EDIL3: variants seen among roughly 807,000 people sequenced by gnomAD.
The protein encoded by EDIL3 is EGF like and discoidin domains 3.
EDIL3 carries 37 observed loss-of-function variants against 67.4 expected under a neutral mutation model. That is an observed-to-expected ratio of 0.55 (90% CI 0.42 to 0.72). The LOEUF is 0.72. Among genes scored for constraint, EDIL3 ranks in the 30% least tolerant of loss-of-function variants. The pLI, the probability that EDIL3 is intolerant of heterozygous loss-of-function variation, is 0.00. For missense variants in EDIL3, 527 were observed against 586.3 expected (o/e 0.90, Z 1.04); for synonymous variants, 195 against 196.3 (o/e 0.99, Z 0.05).
At chr5:84,364,517 T>C (rs1437186989) in intron 1 of EDIL3, among the ~76,000 whole-genome samples, 1 of 152,158 alleles carries the variant, frequency 6.6e-6, no homozygotes, top group African/African-American at 2.4e-5. Flanking sequence ...CTTGATGTTA[T>C]ACCCATTAAA....
At chr5:84,008,724 G>A (rs1745468052) in intron 9 of EDIL3, among the ~76,000 whole-genome samples, 1 of 152,050 alleles carries the variant, frequency 6.6e-6, no homozygotes, top group South Asian at 2.1e-4. Flanking sequence ...GGAGGTGGGA[G>A]GAAGGTTAAA....
At position 84,101,403 on chromosome 5, in the gene EDIL3, G is replaced by A. The variant is rs911110818; in HGVS notation, c.651+5246C>T. On this transcript the variant is annotated intron_variant, in intron 6 of 10. Transcript: ENST00000296591. ...ACCCAAAGAAGATTAAAAAATTCAAGAGGTTGTTACTGAAAAAACTAATAA... is the reference window on the plus strand; with the variant it reads ...ACCCAAAGAAGATTAAAAAATTCAAAAGGTTGTTACTGAAAAAACTAATAA... Among the ~76,000 whole-genome samples, 11 of 152,012 alleles carry A rather than the reference G, an allele frequency of 7.2e-5. No individual in the cohort carries two copies. The South Asian group carries it at 1.0e-3, about 14-fold the overall frequency.
intron 9 of EDIL3, among the ~76,000 whole-genome samples, chr5:84,058,566 T>C (rs1186155677): frequency 6.6e-6 from 1 of 152,136 alleles, no homozygotes; most frequent in Non-Finnish European, 1.5e-5. Flanking sequence ...AAATTACCAA[T>C]ACTTGCTAAA....
chr5:84,326,611 A>G (rs1746762195), intron 1 of EDIL3, among the ~76,000 whole-genome samples: 1 of 151,700 alleles, frequency 6.6e-6, no homozygotes. Context: ...TCTTTATTCC[A>G]TTGTTGATCA....
At chr5:84,372,348 G>T (rs528078120) in intron 1 of EDIL3, among the ~76,000 whole-genome samples, 13 of 152,028 alleles carry the variant, frequency 8.6e-5, no homozygotes, top group Non-Finnish European at 1.6e-4. Flanking sequence ...TGTGTACAAG[G>T]TACACAATTA....
intron 5 of EDIL3, among the ~76,000 whole-genome samples, chr5:84,111,157 T>C (rs1421828645): frequency 6.6e-6 from 1 of 152,140 alleles, no homozygotes; most frequent in Admixed American, 6.5e-5. Context: ...TCCCCCATGA[T>C]TGTAAGTTTC....
chr5:84,028,688 G>A (rs556739082), intron 9 of EDIL3, among the ~76,000 whole-genome samples: 3 of 152,092 alleles, frequency 2.0e-5, no homozygotes, highest in Non-Finnish European at 2.9e-5. Flanking sequence ...ATATATGTAT[G>A]TATATGTGTG....
intron 5 of EDIL3, among the ~76,000 whole-genome samples, chr5:84,128,987 G>A (rs1747915437): frequency 6.6e-6 from 1 of 152,104 alleles, no homozygotes; most frequent in South Asian, 2.1e-4. Flanking sequence ...CCATTTGTTG[G>A]AAGTATTTAA....
chr5:84,354,767 C>T (rs1043125639), intron 1 of EDIL3, among the ~76,000 whole-genome samples: 1 of 152,010 alleles, frequency 6.6e-6, no homozygotes, highest in Non-Finnish European at 1.5e-5. Context: ...GATCTATGTA[C>T]TATAAAATTC....
chr5:83,987,417 C>A (rs558282263), intron 9 of EDIL3, among the ~76,000 whole-genome samples: 1 of 152,164 alleles, frequency 6.6e-6, no homozygotes, highest in East Asian at 1.9e-4. Flanking sequence ...GCCAGACTAC[C>A]AAATAGTGTT....
chr5:83,943,170 G>T lies in EDIL3; in HGVS notation c.*249C>A, dbSNP rs1298973263. 2.3e-6 allele frequency: 1 copy of T among 430,252 alleles called. No homozygotes were observed. The highest frequency in any genetic ancestry group is 2.8e-5 in the South Asian group (1 of 36,292). 26.7% of individuals were successfully genotyped at this position (430,252 alleles called of 1,614,324 possible). A position where few individuals can be genotyped will look rare whatever the true frequency, so the allele number is the denominator to read the frequency against. ...ATGCGAATAATTCAGGAAACAATGA[G>T]AGAAAAGTAATTCACACTTAATGTG... On this transcript the variant is annotated 3_prime_UTR_variant, in exon 11 of 11. Coordinates refer to ENST00000296591, the MANE Select transcript of EDIL3 (RefSeq NM_005711.5).
intron 3 of EDIL3, among the ~76,000 whole-genome samples, chr5:84,198,776 G>A (rs547790458): frequency 5.7e-4 from 87 of 152,120 alleles, no homozygotes; most frequent in African/African-American, 2.0e-3. Context: ...GTAAGCAGCA[G>A]ACATTTGGAT....
At chr5:83,958,335 C>T (rs915741533) in intron 10 of EDIL3, among the ~76,000 whole-genome samples, 3 of 151,598 alleles carry the variant, frequency 2.0e-5, no homozygotes, top group East Asian at 3.9e-4. Flanking sequence ...TCATGAGTGC[C>T]ATAATCAGAC....
At chr5:84,082,214 G>A (rs962431424) in intron 6 of EDIL3, among the ~76,000 whole-genome samples, 1 of 152,180 alleles carries the variant, frequency 6.6e-6, no homozygotes, top group African/African-American at 2.4e-5. Flanking sequence ...CTTTCCATGT[G>A]TGGAAATATT....
intron 3 of EDIL3, among the ~76,000 whole-genome samples, chr5:84,229,360 A>C (rs928962634): frequency 6.6e-6 from 1 of 152,194 alleles, no homozygotes; most frequent in Non-Finnish European, 1.5e-5. Flanking sequence ...TAAAAATTAC[A>C]TTTTTAAAAT....
At chr5:84,211,465 T>C (rs1744115977) in intron 3 of EDIL3, among the ~76,000 whole-genome samples, 1 of 152,162 alleles carries the variant, frequency 6.6e-6, no homozygotes, top group Non-Finnish European at 1.5e-5. Context: ...GCTTCAGGTA[T>C]TTCTTTACAG....
chr5:84,335,965 G>A (rs1387716949), intron 1 of EDIL3, among the ~76,000 whole-genome samples: 1 of 152,144 alleles, frequency 6.6e-6, no homozygotes, highest in Non-Finnish European at 1.5e-5. Context: ...AAGCAAAAGG[G>A]ATAAACAGTT....
At chr5:84,358,592 C>CTTTTTTTTTTTTTTT (rs756013675) in intron 1 of EDIL3, among the ~76,000 whole-genome samples, 1 of 94,560 alleles carries the variant, frequency 1.1e-5, no homozygotes, top group African/African-American at 4.0e-5. Context: ...CATTTTTATC[C>CTTTTTTTTTTTTTTT]TTTTTTTTTT....
chr5:84,305,329 C>T (rs1308550894), intron 1 of EDIL3, among the ~76,000 whole-genome samples: 1 of 152,180 alleles, frequency 6.6e-6, no homozygotes, highest in Non-Finnish European at 1.5e-5. Context: ...CTTTGGACCA[C>T]TGTGCAACTA....
Sources: allele counts gnomAD v4.1 joint callset (sites outside exome capture counted in the v4.1 genomes callset), GRCh38; gene constraint gnomAD v4.1.1; transcripts MANE v1.5; gene names NCBI Gene and HGNC (gene_info 2026-07-23, HGNC 2026-07-21).